The following GLDC variants were observed in gnomAD, a reference collection of about 807,000 sequenced individuals.
GLDC encodes the protein glycine dehydrogenase (decarboxylating), mitochondrial.
Under a neutral mutation model 121.3 loss-of-function variants are expected in GLDC, and 104 were observed. The observed-to-expected ratio is 0.86, with a 90% CI of 0.73 to 1.01. The LOEUF is 1.01. GLDC is among the 50% of genes least tolerant of loss of function. The pLI is 0.00. For missense variants in GLDC, 1,429 were observed against 1,306.6 expected (o/e 1.09, Z -1.44); for synonymous variants, 546 against 480.6 (o/e 1.14, Z -1.78).
At chr9:6,591,412 A>T (rs1257171656) in intron 11 of GLDC, among the ~76,000 whole-genome samples, 2 of 152,196 alleles carry the variant, frequency 1.3e-5, no homozygotes, top group Non-Finnish European at 2.9e-5. Context: ...AACTGTAAGC[A>T]CCAGGAGGAC....
chr9:6,597,273 T>C (rs1818509497), intron 8 of GLDC, among the ~76,000 whole-genome samples: 2 of 152,136 alleles, frequency 1.3e-5, no homozygotes, highest in South Asian at 2.1e-4. Flanking sequence ...TTTGGGGTAA[T>C]AAAAATATTC....
intron 21 of GLDC, among the ~76,000 whole-genome samples, chr9:6,546,944 C>G (rs896278581): frequency 6.6e-6 from 1 of 151,728 alleles, no homozygotes; most frequent in Non-Finnish European, 1.5e-5. Flanking sequence ...CCTGGGTGAC[C>G]AAGCGAGACT....
chr9:6,627,760 T>TAA (rs774745580), intron 2 of GLDC, among the ~76,000 whole-genome samples: 2 of 152,184 alleles, frequency 1.3e-5, no homozygotes, highest in African/African-American at 2.4e-5. Context: ...AGCTGCTTCT[T>TAA]ACTGTGATAA....
Position 6,602,170 on chromosome 9 carries a change from A to G in GLDC, c.1094T>C (p.Leu365Pro), listed in dbSNP as rs868425603. Residue 365 changes from leucine to proline, a missense_variant, in exon 8 of 25, where the codon CTT becomes CCT. Coordinates refer to ENST00000321612, the MANE Select transcript of GLDC (RefSeq NM_000170.3). ...ATGKEVYRLA[L>P]QTREQHIRRD... is the part of the protein sequence containing the mutation. ...CCGAATGTGTTGCTCCCTGGTTTGA[A>G]GAGCAAGACGATACACTTCTTTCCC... is the stretch of plus-strand genomic sequence containing the variant. The G allele has an allele frequency of 1.2e-6, 2 of 1,613,032 alleles. No individual in the cohort carries two copies. Among genetic ancestry groups the G allele is most frequent in the Admixed American group, 1.7e-5 (1 of 60,002 alleles).
At chr9:6,642,139 A>G (rs1819641865) in intron 2 of GLDC, among the ~76,000 whole-genome samples, 1 of 152,186 alleles carries the variant, frequency 6.6e-6, no homozygotes, top group Non-Finnish European at 1.5e-5. Flanking sequence ...GGTCCATTTC[A>G]GGGAATGGGG....
At chr9:6,629,957 A>ATGTGTATATATATATATATATATTTTTTT in intron 2 of GLDC, among the ~76,000 whole-genome samples, 7 of 83,102 alleles carry the variant, frequency 8.4e-5, no homozygotes, top group Non-Finnish European at 1.3e-4. Context: ...ATATATATAT[A>ATGTGTATATATATATATATATATTTTTTT]TTTTTTTTTT....
At chr9:6,574,838 T>C (rs1192138994) in intron 15 of GLDC, among the ~76,000 whole-genome samples, 1 of 152,046 alleles carries the variant, frequency 6.6e-6, no homozygotes, top group Admixed American at 6.6e-5. Context: ...AAATGATCAG[T>C]GATGTCAACC....
chr9:6,638,940 C>T (rs925148869), intron 2 of GLDC, among the ~76,000 whole-genome samples: 6 of 151,460 alleles, frequency 4.0e-5, no homozygotes, highest in African/African-American at 1.5e-4. Flanking sequence ...ACCCAGGAGG[C>T]AGAGGTTGTG....
intron 8 of GLDC, among the ~76,000 whole-genome samples, chr9:6,600,836 T>A (rs1818594479): frequency 6.6e-6 from 1 of 152,082 alleles, no homozygotes. Context: ...AGAACCCTGG[T>A]CAGAACCCAG....
chr9:6,642,322 G>A (rs1222127166), intron 2 of GLDC, among the ~76,000 whole-genome samples: 1 of 152,120 alleles, frequency 6.6e-6, no homozygotes, highest in Non-Finnish European at 1.5e-5. Flanking sequence ...CTGAGGTCAG[G>A]AGTTCAAGAC....
intron 15 of GLDC, among the ~76,000 whole-genome samples, chr9:6,572,179 T>G (rs1817981185): frequency 6.6e-6 from 1 of 152,162 alleles, no homozygotes; most frequent in Non-Finnish European, 1.5e-5. Flanking sequence ...ATTGATAAAT[T>G]GAACTCCATC....
chr9:6,629,784 A>C (rs189424293), intron 2 of GLDC, among the ~76,000 whole-genome samples: 21 of 151,538 alleles, frequency 1.4e-4, no homozygotes, highest in African/African-American at 5.1e-4. Context: ...ATATATATAT[A>C]TACCCACAAT....
intron 2 of GLDC, among the ~76,000 whole-genome samples, chr9:6,626,045 G>A (rs1819230683): frequency 6.6e-6 from 1 of 151,372 alleles, no homozygotes. Flanking sequence ...CCTGCCTTCA[G>A]CAAAAATCTA....
At chr9:6,641,773 A>C (rs992142816) in intron 2 of GLDC, among the ~76,000 whole-genome samples, 1 of 152,206 alleles carries the variant, frequency 6.6e-6, no homozygotes, top group Non-Finnish European at 1.5e-5. Context: ...AGTATTTCCA[A>C]ACTGATCACA....
chr9:6,578,796 G>C (rs1818122403), intron 15 of GLDC, among the ~76,000 whole-genome samples: 1 of 152,200 alleles, frequency 6.6e-6, no homozygotes, highest in African/African-American at 2.4e-5. Flanking sequence ...GCCTCCCAAA[G>C]TACTGCAATT....
intron 15 of GLDC, among the ~76,000 whole-genome samples, chr9:6,567,891 T>C (rs1457549412): frequency 6.6e-6 from 1 of 152,232 alleles, no homozygotes; most frequent in Non-Finnish European, 1.5e-5. Context: ...AGGGAATATA[T>C]AGAACAGTAC....
intron 21 of GLDC, among the ~76,000 whole-genome samples, chr9:6,544,330 T>C (rs532534280): frequency 6.6e-6 from 1 of 151,874 alleles, no homozygotes; most frequent in East Asian, 1.9e-4. Flanking sequence ...TGCCCACCCA[T>C]ACAGCAAGGG....
intron 3 of GLDC, among the ~76,000 whole-genome samples, chr9:6,615,493 G>A (rs751119599): frequency 2.0e-5 from 3 of 151,896 alleles, no homozygotes; most frequent in African/African-American, 7.3e-5. Flanking sequence ...GAGGCAGGAG[G>A]ATTACGTGAG....
chr9:6,587,106 G>A, intron 15 of GLDC, 35 bp downstream of exon 15: 1 of 1,580,926 alleles, frequency 6.3e-7, no homozygotes, highest in Non-Finnish European at 8.7e-7. Flanking sequence ...TACAAGAATA[G>A]ATTGCTGAAA....
Sources: gnomAD v4.1 joint callset for allele counts (sites outside exome capture counted in the v4.1 genomes callset) on GRCh38, gnomAD v4.1.1 for gene constraint, MANE v1.5 for transcripts, NCBI Gene and HGNC (gene_info 2026-07-23, HGNC 2026-07-21) for gene names.